The following RNF8 variants were observed in gnomAD, a reference collection of about 807,000 sequenced individuals.
RNF8 encodes ring finger protein 8.
Under a neutral mutation model 59.3 loss-of-function variants are expected in RNF8, and 8 were observed. The observed-to-expected ratio is 0.13, with a 90% CI of 0.08 to 0.24. The LOEUF (loss-of-function observed/expected upper bound fraction) is 0.24, where lower values mean the gene tolerates loss of function less well. Ranked by LOEUF, RNF8 falls within the 10% of genes least tolerant of loss-of-function variation. The pLI is 1.00. For missense variants in RNF8, 406 were observed against 572.6 expected (o/e 0.71, Z 2.97); for synonymous variants, 162 against 200.0 (o/e 0.81, Z 1.60).
intron 7 of RNF8, among the ~76,000 whole-genome samples, chr6:37,387,056 G>A (rs1770536151): frequency 6.6e-6 from 1 of 152,028 alleles, no homozygotes; most frequent in South Asian, 2.1e-4. Context: ...TGAGTTTCTT[G>A]GTTAACCCTA....
chr6:37,374,513 CT>C, intron 4 of RNF8, 106 bp from the exon 5 acceptor site: 1 of 787,352 alleles, frequency 1.3e-6, no homozygotes, highest in South Asian at 1.6e-5. Context: ...TTATCGATCC[CT>C]GAACCACAAA....
intron 7 of RNF8, among the ~76,000 whole-genome samples, chr6:37,384,390 G>A (rs369329): frequency 4.6e-5 from 7 of 151,836 alleles, no homozygotes; most frequent in African/African-American, 7.3e-5. Context: ...GATGTACCCC[G>A]CTCCGCCCCC....
intron 2 of RNF8, among the ~76,000 whole-genome samples, chr6:37,367,153 C>G (rs1282949416): frequency 1.3e-5 from 2 of 152,174 alleles, no homozygotes; most frequent in African/African-American, 4.8e-5. Flanking sequence ...TAATACGATG[C>G]CCAGGCACTG....
intron 5 of RNF8, 74 bp downstream of exon 5, chr6:37,374,783 G>GT: frequency 9.5e-7 from 1 of 1,054,200 alleles, no homozygotes; most frequent in Non-Finnish European, 1.4e-6. Context: ...TGCAAGGGTT[G>GT]CTAGGGAAAA....
intron 5 of RNF8, among the ~76,000 whole-genome samples, chr6:37,375,535 C>T (rs190150704): frequency 6.6e-6 from 1 of 152,288 alleles, no homozygotes; most frequent in Admixed American, 6.5e-5. Context: ...CATCCCACCC[C>T]CTCCATGTAC....
At chr6:37,373,915 A>G (rs970125742) in intron 4 of RNF8, among the ~76,000 whole-genome samples, 4 of 152,216 alleles carry the variant, frequency 2.6e-5, no homozygotes, top group African/African-American at 4.8e-5. Flanking sequence ...GAGATTCTAA[A>G]GTATAAGCTA....
At chr6:37,385,672 G>A (rs1399786773) in intron 7 of RNF8, among the ~76,000 whole-genome samples, 1 of 152,032 alleles carries the variant, frequency 6.6e-6, no homozygotes, top group Non-Finnish European at 1.5e-5. Context: ...TTGCAAAATT[G>A]TAATGGGATA....
At chr6:37,381,475 A>G (rs1201545148) in intron 7 of RNF8, 121 bp downstream of exon 7, 1 of 829,526 alleles carries the variant, frequency 1.2e-6, no homozygotes, top group Admixed American at 2.4e-5. Context: ...GAAGAGATGG[A>G]ATAAATGGGG....
intron 1 of RNF8, among the ~76,000 whole-genome samples, chr6:37,355,062 C>T (rs1179292512): frequency 1.3e-5 from 2 of 152,062 alleles, no homozygotes; most frequent in African/African-American, 2.4e-5. Flanking sequence ...TGCCTGTCGT[C>T]TTTATTAATG....
chr6:37,374,580 T>C (rs1210860551), intron 4 of RNF8, 40 bp from the exon 5 acceptor site: 6 of 1,454,250 alleles, frequency 4.1e-6, no homozygotes, highest in Non-Finnish European at 5.8e-6. Flanking sequence ...AAGGATGCAT[T>C]GTAGTTCATC....
At chr6:37,380,488 G>A (rs1328871671) in intron 6 of RNF8, among the ~76,000 whole-genome samples, 1 of 151,908 alleles carries the variant, frequency 6.6e-6, no homozygotes, top group Non-Finnish European at 1.5e-5. Context: ...GGCTAACACG[G>A]TGAAACCCCG....
intron 2 of RNF8, among the ~76,000 whole-genome samples, chr6:37,365,156 A>G (rs922350143): frequency 7.2e-5 from 11 of 152,312 alleles, no homozygotes; most frequent in African/African-American, 2.6e-4. Flanking sequence ...ACTACCTTCA[A>G]TATTACTCAG....
At chr6:37,388,877 A>G (rs1308641501) in intron 7 of RNF8, among the ~76,000 whole-genome samples, 2 of 151,456 alleles carry the variant, frequency 1.3e-5, no homozygotes, top group Non-Finnish European at 2.9e-5. Context: ...AGTCTCCAGT[A>G]AGCTGTGACT....
rs567924177 is a variant in RNF8 at position 37,380,425 on chromosome 6, C to T, written c.1237-725C>T. Among the ~76,000 whole-genome samples the T allele has an allele frequency of 1.8e-4, 28 of 152,170 alleles. No homozygotes were observed. The Middle Eastern group carries it at 0.02, about 111-fold the overall frequency. On this transcript the variant is annotated intron_variant, in intron 6 of 7. Transcript: ENST00000373479. Reference sequence around the variant, plus strand: ...GTGGCTCACACTTGTAATCCCAGCACTTTGGGAGGCCGAGGCGGGCAGATC... The same window carrying T: ...GTGGCTCACACTTGTAATCCCAGCATTTTGGGAGGCCGAGGCGGGCAGATC...
Position 37,374,651 on chromosome 6 carries a change from G to A in RNF8, c.1070G>A (p.Ser357Asn), listed in dbSNP as rs1340419982. Residue 357 changes from serine (S) to asparagine (N), a missense_variant, in exon 5 of 8, where the codon AGC (serine) becomes AAC (asparagine). Around this residue, in one of 3 missense-constraint regions of RNF8, gnomAD observed 285 missense variants for 342.0 expected, o/e 0.83. Transcript: ENST00000373479. ...HWALMEELNR[S>N]KKDFEAIIQA... ...GCTCTAATGGAAGAGCTAAATCGCAGCAAGAAGGACTTTGAAGCAATCATT... is the reference window on the plus strand; with the variant it reads ...GCTCTAATGGAAGAGCTAAATCGCAACAAGAAGGACTTTGAAGCAATCATT... The A allele has an allele frequency of 6.2e-7, 1 of 1,614,132 alleles. No individual in the cohort carries two copies. The highest frequency in any genetic ancestry group is 1.3e-5 in the African/African-American group (1 of 75,044).
chr6:37,387,392 G>T lies in RNF8; in HGVS notation c.1442-3350G>T, dbSNP rs192922378. 1.4e-4 allele frequency among the ~76,000 whole-genome samples: 22 copies of T among 152,260 alleles called. No homozygotes were observed. The East Asian group carries it at 4.1e-3, about 28-fold the overall frequency. ...CCTTTTTTTCTGTCACCCAGGCTGA[G>T]TGCAGTGGCATGATCTCAGCTCACT... On this transcript the variant is annotated intron_variant, in intron 7 of 7. Coordinates refer to ENST00000373479, the MANE Select transcript of RNF8 (RefSeq NM_003958.4).
intron 5 of RNF8, among the ~76,000 whole-genome samples, chr6:37,376,468 T>G (rs1770024426): frequency 6.6e-6 from 1 of 152,196 alleles, no homozygotes; most frequent in Non-Finnish European, 1.5e-5. Flanking sequence ...GCATGTTTGG[T>G]GTCTGGTGAG....
chr6:37,360,313 C>T lies in RNF8; in HGVS notation c.112-133C>T, dbSNP rs1298266226. The T allele has an allele frequency of 2.1e-6, 2 of 938,332 alleles. No individual in the cohort carries two copies. Among genetic ancestry groups the T allele is most frequent in the Non-Finnish European group, 3.3e-6 (2 of 600,758 alleles). The allele number at this position is 938,332 out of a possible 1,614,324, so 58.1% of individuals were successfully genotyped here. A position where few individuals can be genotyped will look rare whatever the true frequency, so the allele number is the denominator to read the frequency against. ...AGCTGAAGAGGAGATAGCTGATGCACTGTTTTGGTTCCACAGGTGTCTGGT... is the reference window on the plus strand; with the variant it reads ...AGCTGAAGAGGAGATAGCTGATGCATTGTTTTGGTTCCACAGGTGTCTGGT... On this transcript the variant is annotated intron_variant, in intron 1 of 7. Transcript: ENST00000373479. The surrounding 1 kb of genome is among the most constrained non-coding windows in gnomAD (Gnocchi z 4.2).
chr6:37,367,663 CAA>C (rs1231336876), intron 2 of RNF8, among the ~76,000 whole-genome samples: 1 of 152,196 alleles, frequency 6.6e-6, no homozygotes, highest in Non-Finnish European at 1.5e-5. Context: ...CTCGGCCTCT[CAA>C]AGTGCTGAGA....
Sources: allele counts gnomAD v4.1 joint callset (sites outside exome capture counted in the v4.1 genomes callset), GRCh38; gene constraint gnomAD v4.1.1; regional missense constraint gnomAD v4.1.1; non-coding constraint Gnocchi (gnomAD v3.1); transcripts MANE v1.5; gene names NCBI Gene and HGNC (gene_info 2026-07-23, HGNC 2026-07-21).